Variants in TOP1MT observed in about 807,000 individuals in gnomAD.
TOP1MT encodes DNA topoisomerase I mitochondrial.
In TOP1MT, 80 loss-of-function variants were observed where a neutral mutation model predicts 73.9. That is an observed-to-expected ratio of 1.08 (90% confidence interval 0.90 to 1.30). The LOEUF is 1.30. Among genes scored for constraint, TOP1MT ranks in the 50% most tolerant of loss-of-function variants. The pLI, the probability that TOP1MT is intolerant of heterozygous loss-of-function variation, is 0.00. For synonymous variants in TOP1MT, 338 were observed against 326.4 expected, an observed-to-expected ratio of 1.04 and a Z score of -0.38; for missense variants, 815 against 808.0, an observed-to-expected ratio of 1.01 and a Z score of -0.10.
At chr8:143,348,022 C>T (rs1267195519), upstream of TOP1MT, among the ~76,000 whole-genome samples, 1 of 152,170 alleles carries the variant, frequency 6.6e-6, no homozygotes, top group African/African-American at 2.4e-5. This position sits in a 1 kb window ranked among gnomAD's most constrained non-coding sequence, Gnocchi z 4.6. Flanking sequence ...CCACATCCCA[C>T]AGCAGCCTTG....
rs1186472770 is a variant in TOP1MT, at chr8:143,353,963, C to CAAAAAAAAAA, written c.-39+1992_-39+2001dup. ...TGGGCGACAAAGAGAGACTCCATCC[C>CAAAAAAAAAA]AAAAAAAAAAAAAAAAAAAAAAAAA... On this transcript the variant is annotated intron_variant, in intron 1 of 5. Coordinates refer to the TOP1MT transcript ENST00000518760. Among the ~76,000 whole-genome samples the CAAAAAAAAAA allele has an allele frequency of 1.1e-4, 5 of 47,608 alleles. 1 individual carries two copies. The highest frequency in any genetic ancestry group is 5.3e-4 in the African/African-American group (5 of 9,362). The allele number at this position is 47,608 out of a possible 152,430, so 31.2% of individuals were successfully genotyped here.
At chr8:143,327,529 A>G (rs1293384353) in intron 3 of TOP1MT, 1 of 169,620 alleles carries the variant, frequency 5.9e-6, no homozygotes, top group Non-Finnish European at 1.3e-5. Context: ...GTACGACACC[A>G]TCTGTGCCAG....
chr8:143,335,511 C>T (rs1816967544), upstream of TOP1MT, among the ~76,000 whole-genome samples: 1 of 152,252 alleles, frequency 6.6e-6, no homozygotes, highest in Non-Finnish European at 1.5e-5. Flanking sequence ...CCTTCCTGCG[C>T]TCAGTCCCCA....
In TOP1MT at chr8:143,331,358, C is replaced by G. The variant is rs376084257; in HGVS notation, c.123-19G>C. ...CTCCCACCTAAAGACGGAGACAGGA[C>G]GTGTCACTCTCCTGGGCCAGGCCCT... On this transcript the variant is annotated intron_variant, in intron 1 of 13. Transcript: ENST00000329245. 7 of 1,599,614 alleles carry G rather than the reference C, an allele frequency of 4.4e-6. No homozygotes were observed. The Admixed American group carries it at 1.0e-4, about 23-fold the overall frequency.
chr8:143,338,101 C>T (rs1439199536), upstream of TOP1MT, among the ~76,000 whole-genome samples: 1 of 152,118 alleles, frequency 6.6e-6, no homozygotes, highest in African/African-American at 2.4e-5. Context: ...CCTCTTATTC[C>T]CTAAAACCGG....
exon 2 of TOP1MT, chr8:143,343,279 G>C (rs535336476): frequency 1.8e-5 from 8 of 456,154 alleles, no homozygotes; most frequent in Admixed American, 2.3e-5. Context: ...GTGGTGATCT[G>C]TGCAAATCTA....
chr8:143,324,221 C>A, intron 6 of TOP1MT, 79 bp from the exon 7 acceptor site: 1 of 1,569,240 alleles, frequency 6.4e-7, no homozygotes, highest in Middle Eastern at 1.7e-4. Context: ...TCTCCCTCCC[C>A]CAAACCTCGT....
chr8:143,317,655 C>G lies in TOP1MT; in HGVS notation c.1330+68G>C. On this transcript the variant is annotated intron_variant, in intron 10 of 13. Transcript: ENST00000329245. Reference sequence around the variant, plus strand: ...CGAGGCTCACTCAACAAGGGCCAGCCGGGGAGCCCGGTCTGGGGCAGGGGC... The same window carrying G: ...CGAGGCTCACTCAACAAGGGCCAGCGGGGGAGCCCGGTCTGGGGCAGGGGC... 2.1e-6 allele frequency: 3 copies of G among 1,426,056 alleles called. No individual in the cohort carries two copies. The South Asian group carries it at 3.6e-5, about 17-fold the overall frequency. The allele number at this position is 1,426,056 out of a possible 1,614,324, so 88.3% of individuals were successfully genotyped here.
chr8:143,349,631 A>T (rs1586785362), upstream of TOP1MT, among the ~76,000 whole-genome samples: 1 of 125,778 alleles, frequency 8.0e-6, no homozygotes, highest in Non-Finnish European at 1.6e-5. Context: ...TTAGAGATTC[A>T]TCTGTACACT....
chr8:143,355,872 A>G (rs1356489838), intron 1 of TOP1MT: 2 of 152,294 alleles, frequency 1.3e-5, no homozygotes, highest in Admixed American at 6.5e-5. Flanking sequence ...TCAGGACGAA[A>G]GCTGATCTCA....
chr8:143,317,092 G>A (rs999452790), intron 10 of TOP1MT, among the ~76,000 whole-genome samples: 2 of 152,230 alleles, frequency 1.3e-5, no homozygotes, highest in African/African-American at 4.8e-5. Flanking sequence ...CAGCCTCGGC[G>A]CCTCCTCCAG....
Position 143,317,813 on chromosome 8 carries a change from G to A in TOP1MT, c.1240C>T (p.Gln414Ter), listed in dbSNP as rs1237899151. 8 of 1,614,076 alleles carry A rather than the reference G, an allele frequency of 5.0e-6. No individual in the cohort carries two copies. The Admixed American group carries it at 8.3e-5, about 17-fold the overall frequency. Residue 414 changes from glutamine to a stop codon, truncating the protein, a stop_gained, in exon 10 of 14, where the codon CAG becomes TAG. Transcript: ENST00000329245. LOFTEE classifies it high-confidence loss of function. The part of the protein sequence containing the change: ...LTTTSLNKHL[Q>*]ELMDGLTAKV... Reference sequence around the variant, plus strand: ...GCCGTCAGCCCGTCCATCAGCTCCTGGAGGTGCTTGTTCAGGCTGGTCGTC... The same window carrying A: ...GCCGTCAGCCCGTCCATCAGCTCCTAGAGGTGCTTGTTCAGGCTGGTCGTC...
intron 1 of TOP1MT, among the ~76,000 whole-genome samples, chr8:143,350,698 T>C (rs955504030): frequency 2.0e-5 from 3 of 152,246 alleles, no homozygotes; most frequent in Admixed American, 6.5e-5. Context: ...AATTCCCTAA[T>C]TGTCTCATCA....
In TOP1MT at chr8:143,325,331, C is replaced by A. The variant is rs754973863; in HGVS notation, c.671+15G>T. 2 of 1,575,610 alleles carry A rather than the reference C, an allele frequency of 1.3e-6. No homozygotes were observed. Among genetic ancestry groups the A allele is most frequent in the Non-Finnish European group, 8.7e-7 (1 of 1,155,242 alleles). ...GGGGGTCCAGTGCCCGCCTGCTGCC[C>A]GCCCGGCCACGCACCTGCTGCAGTT... On this transcript the variant is annotated intron_variant, in intron 5 of 13. Transcript: ENST00000329245.
intron 8 of TOP1MT, among the ~76,000 whole-genome samples, chr8:143,320,140 T>C (rs773227018): frequency 1.3e-5 from 2 of 151,736 alleles, no homozygotes; most frequent in Non-Finnish European, 2.9e-5. Context: ...AGAAAAAAAA[T>C]TTAAAGAAGA....
upstream of TOP1MT, among the ~76,000 whole-genome samples, chr8:143,338,958 C>T (rs568014375): frequency 9.5e-4 from 145 of 152,352 alleles, no homozygotes; most frequent in Non-Finnish European, 1.5e-3. Flanking sequence ...CTCTTCCTCA[C>T]AGCAGGTAGG....
chr8:143,343,970 G>C (rs1212645627), intron 1 of TOP1MT: 1 of 152,448 alleles, frequency 6.6e-6, no homozygotes, highest in Non-Finnish European at 1.5e-5. Context: ...ATGCAGACTG[G>C]AGACACAGTG....
rs1422503977 is a variant in TOP1MT, at chr8:143,321,451, A to ACACACACGCACGC, written c.961-78_961-66dup. On this transcript the variant is annotated intron_variant, in intron 7 of 13. Coordinates refer to ENST00000329245, the MANE Select transcript of TOP1MT (RefSeq NM_052963.3). ...CACGCACGCCACACACACGCACGCCACACACACGCACGCCACACACGCACG... is the reference window on the plus strand; with the variant it reads ...CACGCACGCCACACACACGCACGCCACACACACGCACGCCACACACGCACGCCACACACGCACG... The ACACACACGCACGC allele has an allele frequency of 1.1e-5, 13 of 1,226,334 alleles. 1 individual carries two copies. The highest frequency in any genetic ancestry group is 3.4e-5 in the African/African-American group (2 of 58,164). The allele number at this position is 1,226,334 out of a possible 1,614,324, so 76.0% of individuals were successfully genotyped here. A position where few individuals can be genotyped will look rare whatever the true frequency, so the allele number is the denominator to read the frequency against.
upstream of TOP1MT, among the ~76,000 whole-genome samples, chr8:143,357,856 G>A (rs1253367766): frequency 6.6e-6 from 1 of 152,054 alleles, no homozygotes; most frequent in East Asian, 1.9e-4. Flanking sequence ...GGGAGGCAGA[G>A]GTTGCAGTGA....
Sources: gnomAD v4.1 joint callset for allele counts (sites outside exome capture counted in the v4.1 genomes callset) on GRCh38, gnomAD v4.1.1 for gene constraint, Gnocchi (gnomAD v3.1) non-coding constraint, MANE v1.5 for transcripts, NCBI Gene and HGNC (gene_info 2026-07-23, HGNC 2026-07-21) for gene names.